BCAP29: variants seen among roughly 807,000 people sequenced by gnomAD.
The protein encoded by BCAP29 is B-cell receptor-associated protein 29.
BCAP29 carries 34 observed loss-of-function variants against 31.8 expected under a neutral mutation model. The observed-to-expected ratio is 1.07, with a 90% CI of 0.81 to 1.42. The LOEUF (loss-of-function observed/expected upper bound fraction) is 1.42, where lower values mean the gene tolerates loss of function less well. Among genes scored for constraint, BCAP29 ranks in the 40% most tolerant of loss-of-function variants. The pLI, the probability that BCAP29 is intolerant of heterozygous loss-of-function variation, is 0.00. For synonymous variants in BCAP29, 104 were observed against 91.3 expected (o/e 1.14, Z -0.79); for missense variants, 314 against 269.2 (o/e 1.17, Z -1.16).
intron 3 of BCAP29, among the ~76,000 whole-genome samples, chr7:107,590,673 G>A (rs530592155): frequency 2.0e-5 from 3 of 152,024 alleles, no homozygotes; most frequent in East Asian, 1.9e-4. Flanking sequence ...ACAAAAATTA[G>A]CCAGGCATGG....
At chr7:107,580,201 G>C (rs973975651), upstream of BCAP29, 1 of 152,060 alleles carries the variant, frequency 6.6e-6, no homozygotes, top group Non-Finnish European at 1.5e-5. Flanking sequence ...CGTGAGGCGG[G>C]GTGGGGCCCT....
intron 7 of BCAP29, 84 bp from the exon 8 acceptor site, chr7:107,618,244 A>G: frequency 1.1e-6 from 1 of 950,610 alleles, no homozygotes; most frequent in Non-Finnish European, 1.6e-6. Context: ...CATAGAAGAG[A>G]GAATGTTTTT....
chr7:107,605,193 A>G (rs1811864619), intron 6 of BCAP29, among the ~76,000 whole-genome samples: 1 of 152,210 alleles, frequency 6.6e-6, no homozygotes, highest in African/African-American at 2.4e-5. Flanking sequence ...TTCAGTAACC[A>G]GGAGGAATAG....
chr7:107,608,710 T>C (rs1207731463), intron 6 of BCAP29, among the ~76,000 whole-genome samples: 1 of 152,218 alleles, frequency 6.6e-6, no homozygotes, highest in Non-Finnish European at 1.5e-5. Flanking sequence ...ATGGTCTCTT[T>C]GCTTTGTTTT....
In BCAP29 at chr7:107,619,998, A is replaced by C. The variant is rs1814782762; in HGVS notation, c.*1635A>C. The stretch of plus-strand genomic sequence containing the variant: ...TTAGGTCAGGATTACTATATAAACT[A>C]AGATAATACAGTGATTCTCAAAGTT... On this transcript the variant is annotated 3_prime_UTR_variant, in exon 8 of 8. Coordinates refer to ENST00000005259, the MANE Select transcript of BCAP29 (RefSeq NM_018844.4). The C allele has an allele frequency of 6.6e-6, 1 of 152,232 alleles. No individual in the cohort carries two copies. Among genetic ancestry groups the C allele is most frequent in the Non-Finnish European group, 1.5e-5 (1 of 68,044 alleles). 9.4% of individuals were successfully genotyped at this position (152,232 alleles called of 1,614,324 possible).
In BCAP29 at chr7:107,592,079, A is replaced by G. The variant is rs1372840114; in HGVS notation, c.194-1876A>G. On this transcript the variant is annotated intron_variant, in intron 3 of 7. Transcript: ENST00000005259. ...TGGGATTACAGGTGTTAGCCACCAC[A>G]CCCAGCCAGAATGTGAGAACTTTCT... Among the ~76,000 whole-genome samples the G allele has an allele frequency of 2.0e-5, 3 of 152,048 alleles. No homozygotes were observed. In the East Asian group the frequency reaches 5.8e-4, roughly 29 times the overall value.
Position 107,618,598 on chromosome 7 carries a change from C to G in BCAP29, c.*235C>G. 1 of 1,576,736 alleles carries G rather than the reference C, an allele frequency of 6.3e-7. No homozygotes were observed. The highest frequency in any genetic ancestry group is 8.7e-7 in the Non-Finnish European group (1 of 1,153,514). ...ATAAGCATGTTAAATACCATATTTA[C>G]ATATTGATAATGTCATTGGTATATG... On this transcript the variant is annotated 3_prime_UTR_variant, in exon 8 of 8. Coordinates refer to ENST00000005259, the MANE Select transcript of BCAP29 (RefSeq NM_018844.4).
chr7:107,614,364 T>C (rs1813750677), intron 7 of BCAP29, among the ~76,000 whole-genome samples: 1 of 152,184 alleles, frequency 6.6e-6, no homozygotes, highest in African/African-American at 2.4e-5. Flanking sequence ...GCATGCTAGG[T>C]TTTTTATCTT....
At chr7:107,584,944 A>G (rs1163528910) in intron 3 of BCAP29, among the ~76,000 whole-genome samples, 4 of 152,224 alleles carry the variant, frequency 2.6e-5, no homozygotes. Flanking sequence ...GTTTTTCAGC[A>G]TGTTTTAAAT....
intron 5 of BCAP29, among the ~76,000 whole-genome samples, chr7:107,599,620 C>T (rs1359865207): frequency 6.6e-6 from 1 of 150,826 alleles, no homozygotes; most frequent in East Asian, 1.9e-4. Context: ...TTTACTTTGT[C>T]TTTCTAGGTA....
intron 3 of BCAP29, among the ~76,000 whole-genome samples, chr7:107,591,472 T>A (rs1258923539): frequency 6.6e-6 from 1 of 152,164 alleles, no homozygotes; most frequent in Non-Finnish European, 1.5e-5. Flanking sequence ...GCCTTTGGAC[T>A]CAAGATGTAT....
chr7:107,596,034 T>C, intron 5 of BCAP29, 32 bp downstream of exon 5: 1 of 1,534,788 alleles, frequency 6.5e-7, no homozygotes. Flanking sequence ...AATTAAATGT[T>C]GTTGGTGTTC....
At chr7:107,596,762 C>T (rs191238039) in intron 5 of BCAP29, among the ~76,000 whole-genome samples, 2 of 151,990 alleles carry the variant, frequency 1.3e-5, no homozygotes, top group Non-Finnish European at 2.9e-5. Context: ...TTTTTTCATA[C>T]ATACCATACT....
At chr7:107,607,342 C>T (rs1812289233) in intron 6 of BCAP29, among the ~76,000 whole-genome samples, 1 of 151,980 alleles carries the variant, frequency 6.6e-6, no homozygotes, top group African/African-American at 2.4e-5. Context: ...TGATATGTGC[C>T]TCCAGGTTTC....
chr7:107,600,876 C>T (rs987137744), intron 6 of BCAP29, among the ~76,000 whole-genome samples: 5 of 152,166 alleles, frequency 3.3e-5, no homozygotes, highest in African/African-American at 1.2e-4. Context: ...AGTTTTCTTA[C>T]AAGAAAATAT....
Position 107,595,888 on chromosome 7 carries a change from G to T in BCAP29, c.366G>T (p.Thr122=), listed in dbSNP as rs1227440993. Residue 122 remains threonine, a synonymous_variant, in exon 5 of 8, where the codon ACG becomes ACT. Transcript: ENST00000005259. The part of the protein sequence containing the change: ...FFWLVLRRLV[T]LITQLAKELS... ...TTAGAGTTTTGAGACGTCTGGTTAC[G>T]CTTATTACTCAACTGGCAAAAGAAC... 1 of 1,602,220 alleles carries T rather than the reference G, an allele frequency of 6.2e-7. No individual in the cohort carries two copies.
intron 3 of BCAP29, among the ~76,000 whole-genome samples, chr7:107,591,801 G>A (rs1338459631): frequency 6.6e-6 from 1 of 151,972 alleles, no homozygotes; most frequent in African/African-American, 2.4e-5. Flanking sequence ...ATCCAATCAA[G>A]TATTTGTTTT....
chr7:107,596,165 C>G (rs1563131948), intron 5 of BCAP29, among the ~76,000 whole-genome samples, 163 bp downstream of exon 5: 1 of 151,992 alleles, frequency 6.6e-6, no homozygotes, highest in Non-Finnish European at 1.5e-5. Context: ...TTTTACTGTT[C>G]TTTAGAAATG....
intron 6 of BCAP29, among the ~76,000 whole-genome samples, chr7:107,605,603 A>G (rs1811945717): frequency 6.6e-6 from 1 of 152,242 alleles, no homozygotes; most frequent in African/African-American, 2.4e-5. Flanking sequence ...AGCAAAAAGC[A>G]GAGTGGTCTG....
Sources: allele counts gnomAD v4.1 joint callset (sites outside exome capture counted in the v4.1 genomes callset), GRCh38; gene constraint gnomAD v4.1.1; transcripts MANE v1.5; gene names NCBI Gene and HGNC (gene_info 2026-07-23, HGNC 2026-07-21).